The following GALNT2 variants were observed in gnomAD, a reference collection of about 807,000 sequenced individuals.
GALNT2 encodes polypeptide N-acetylgalactosaminyltransferase 2, also known as UDP-GalNAc:polypeptide N-acetylgalactosaminyltransferase 2.
A neutral mutation model predicts 81.4 loss-of-function variants in GALNT2; 31 were observed. The ratio of observed to expected loss-of-function variants is 0.38; its 90% CI spans 0.29 to 0.51. The LOEUF (loss-of-function observed/expected upper bound fraction) is 0.51. GALNT2 is among the 20% of genes least tolerant of loss of function. The pLI is 0.87. For missense variants in GALNT2, 629 were observed against 765.7 expected, an observed-to-expected ratio of 0.82 and a Z score of 2.11; for synonymous variants, 303 against 287.4, an observed-to-expected ratio of 1.05 and a Z score of -0.55.
At chr1:230,156,248 T>A (rs58316291) in intron 1 of GALNT2, among the ~76,000 whole-genome samples, 73,572 of 141,976 alleles carry the variant, frequency 0.52, 19,443 homozygotes, top group African/African-American at 0.66. Flanking sequence ...AGAGAGAGTG[T>A]GTGTGTGTGT....
intron 1 of GALNT2, among the ~76,000 whole-genome samples, chr1:230,142,704 G>A (rs1334805628): frequency 4.0e-5 from 4 of 100,118 alleles, no homozygotes; most frequent in Non-Finnish European, 6.4e-5. Context: ...GCTGGTCGTT[G>A]CCTGCTCTGT....
At chr1:230,260,557 A>C (rs1665848233) in intron 11 of GALNT2, among the ~76,000 whole-genome samples, 1 of 152,252 alleles carries the variant, frequency 6.6e-6, no homozygotes, top group Admixed American at 6.5e-5. Context: ...GGAACCTAGG[A>C]CATTCTGGAA....
intron 1 of GALNT2, among the ~76,000 whole-genome samples, chr1:230,104,086 C>T (rs973423236): frequency 6.6e-6 from 1 of 152,206 alleles, no homozygotes; most frequent in Non-Finnish European, 1.5e-5. Context: ...TAAATGGCTT[C>T]ATTTTCCCTC....
intron 12 of GALNT2, 49 bp downstream of exon 12, chr1:230,262,714 T>TGG: frequency 4.0e-6 from 3 of 741,890 alleles, no homozygotes; most frequent in Non-Finnish European, 6.1e-6. Context: ...TCTTGGGGTG[T>TGG]GGGGGTGGGA....
intron 1 of GALNT2, among the ~76,000 whole-genome samples, chr1:230,154,913 T>G (rs556503043): frequency 6.6e-6 from 1 of 152,268 alleles, no homozygotes; most frequent in African/African-American, 2.4e-5. Context: ...CCTTATCACA[T>G]TGGTAACTTG....
At chr1:230,198,850 T>C (rs1572077704) in intron 2 of GALNT2, among the ~76,000 whole-genome samples, 1 of 152,340 alleles carries the variant, frequency 6.6e-6, no homozygotes, top group East Asian at 1.9e-4. Flanking sequence ...TAACCTTATT[T>C]AATAAGCAAA....
chr1:230,224,422 A>G (rs140158691), intron 3 of GALNT2, among the ~76,000 whole-genome samples: 13 of 152,328 alleles, frequency 8.5e-5, no homozygotes, highest in African/African-American at 3.1e-4. Context: ...GCATGACGAG[A>G]GAGTTCAGAC....
intron 2 of GALNT2, among the ~76,000 whole-genome samples, chr1:230,185,211 A>G (rs1342305957): frequency 6.6e-6 from 1 of 151,450 alleles, no homozygotes; most frequent in Non-Finnish European, 1.5e-5. Context: ...TCATTCCAAC[A>G]TTGTTCTATA....
intron 13 of GALNT2, chr1:230,264,074 G>C (rs1415265755): frequency 6.6e-6 from 1 of 152,258 alleles, no homozygotes; most frequent in African/African-American, 2.4e-5. Flanking sequence ...CTTTTGCTGG[G>C]GATTGAGAGC....
chr1:230,123,343 A>G (rs1661077898), intron 1 of GALNT2, among the ~76,000 whole-genome samples: 1 of 152,226 alleles, frequency 6.6e-6, no homozygotes. Context: ...TCTGGGGGCC[A>G]ACCCGTTAGG....
At chr1:230,214,544 T>C (rs1478346574) in intron 3 of GALNT2, among the ~76,000 whole-genome samples, 1 of 152,258 alleles carries the variant, frequency 6.6e-6, no homozygotes, top group Non-Finnish European at 1.5e-5. Flanking sequence ...CCGTTAGTCT[T>C]GTTCTTTTTG....
chr1:230,154,824 C>G (rs1005790847), intron 1 of GALNT2, among the ~76,000 whole-genome samples: 1 of 152,270 alleles, frequency 6.6e-6, no homozygotes, highest in East Asian at 1.9e-4. Context: ...GTTCCTGAAG[C>G]CTCCCAGTTT....
chr1:230,061,192 ATG>A (rs58105454), intron 1 of GALNT2, among the ~76,000 whole-genome samples: 12,451 of 148,832 alleles, frequency 0.084, 965 homozygotes, highest in African/African-American at 0.21. Context: ...ATGAGCATAG[ATG>A]TGTGTGTGTG....
chr1:230,150,838 T>G (rs899727907), intron 1 of GALNT2, among the ~76,000 whole-genome samples: 2 of 152,206 alleles, frequency 1.3e-5, no homozygotes, highest in African/African-American at 2.4e-5. Flanking sequence ...ACTGTGCAGT[T>G]TTCTGGATGG....
chr1:230,121,403 C>T (rs188828039), intron 1 of GALNT2, among the ~76,000 whole-genome samples: 1 of 152,212 alleles, frequency 6.6e-6, no homozygotes, highest in East Asian at 1.9e-4. Context: ...GGCTTTCCTG[C>T]CCTCCCCTGT....
Position 230,080,401 on chromosome 1 carries a change from C to T in GALNT2, c.126+12995C>T, listed in dbSNP as rs1024082706. Among the ~76,000 whole-genome samples, 5 of 152,138 alleles carry T rather than the reference C, an allele frequency of 3.3e-5. No individual in the cohort carries two copies. In the South Asian group the frequency reaches 6.2e-4, roughly 19 times the overall value. ...GGGAGCAGGCCTTGACATCAGGCCC[C>T]GTGCATGAAGCAGTGTGATGTCCCA... On this transcript the variant is annotated intron_variant, in intron 1 of 15. Coordinates refer to ENST00000366672, the MANE Select transcript of GALNT2 (RefSeq NM_004481.5).
chr1:230,124,743 A>C (rs961875338), intron 1 of GALNT2, among the ~76,000 whole-genome samples: 1 of 152,176 alleles, frequency 6.6e-6, no homozygotes, highest in Non-Finnish European at 1.5e-5. Flanking sequence ...TGAATTCAGC[A>C]ACCAAAATGG....
At chr1:230,121,984 ACT>A (rs1661031612) in intron 1 of GALNT2, among the ~76,000 whole-genome samples, 1 of 98,198 alleles carries the variant, frequency 1.0e-5, no homozygotes, top group Non-Finnish European at 1.9e-5. Flanking sequence ...ACAGGGTCTT[ACT>A]CTGTTGCCCA....
chr1:230,202,640 C>G lies in GALNT2; in HGVS notation c.221-497C>G, dbSNP rs147232118. On this transcript the variant is annotated intron_variant, in intron 2 of 15. Coordinates refer to ENST00000366672, the MANE Select transcript of GALNT2 (RefSeq NM_004481.5). Reference sequence around the variant, plus strand: ...TGCAAAAAGGACCCCTTGACAAGGTCTCACCAAAGGGTATTTTGATATCCT... The same window carrying G: ...TGCAAAAAGGACCCCTTGACAAGGTGTCACCAAAGGGTATTTTGATATCCT... 5.3e-3 allele frequency among the ~76,000 whole-genome samples: 814 copies of G among 152,328 alleles called. 4 individuals are homozygous for G. Among genetic ancestry groups the G allele is most frequent in the Non-Finnish European group, 8.2e-3 (555 of 68,028 alleles).
Sources: gnomAD v4.1 joint callset for allele counts (sites outside exome capture counted in the v4.1 genomes callset) on GRCh38, gnomAD v4.1.1 for gene constraint, MANE v1.5 for transcripts, NCBI Gene and HGNC (gene_info 2026-07-23, HGNC 2026-07-21) for gene names.